KCNIP4: variants seen among roughly 807,000 people sequenced by gnomAD.
KCNIP4 encodes Kv channel-interacting protein 4.
Under a neutral mutation model 34.0 loss-of-function variants are expected in KCNIP4, and 12 were observed. That is an observed-to-expected ratio of 0.35 (90% CI 0.23 to 0.57). The LOEUF (loss-of-function observed/expected upper bound fraction) is 0.57, where lower values mean the gene tolerates loss of function less well. KCNIP4 is among the 20% of genes least tolerant of loss of function. The probability of loss-of-function intolerance (pLI) is 0.83; values close to 1 mark genes in which losing one functional copy is unlikely to be tolerated. For missense variants in KCNIP4, 238 were observed against 311.7 expected (o/e 0.76, Z 1.78); for synonymous variants, 124 against 102.2 (o/e 1.21, Z -1.29).
At chr4:21,116,484 C>A (rs1007942500) in intron 1 of KCNIP4, among the ~76,000 whole-genome samples, 1 of 152,226 alleles carries the variant, frequency 6.6e-6, no homozygotes, top group African/African-American at 2.4e-5. Context: ...TCTATGGCTT[C>A]TGCCACTAAC....
intron 3 of KCNIP4, among the ~76,000 whole-genome samples, chr4:20,823,338 G>T (rs1437015490): frequency 2.0e-5 from 3 of 152,092 alleles, no homozygotes; most frequent in Admixed American, 2.0e-4. Context: ...TTAAATAAAA[G>T]GATAGGGAGC....
chr4:20,906,057 C>T (rs914501582), intron 1 of KCNIP4, among the ~76,000 whole-genome samples: 7 of 150,892 alleles, frequency 4.6e-5, no homozygotes, highest in Non-Finnish European at 1.0e-4. Flanking sequence ...CTCTTCCTCC[C>T]TCCCTCCCTC....
chr4:21,383,840 C>T (rs1721761426), intron 1 of KCNIP4, among the ~76,000 whole-genome samples: 1 of 152,042 alleles, frequency 6.6e-6, no homozygotes, highest in Admixed American at 6.6e-5. Flanking sequence ...TGGGGGCTTC[C>T]TACAGCACTA....
intron 1 of KCNIP4, among the ~76,000 whole-genome samples, chr4:21,905,505 C>T (rs1157507275): frequency 1.3e-5 from 2 of 152,050 alleles, no homozygotes; most frequent in Non-Finnish European, 2.9e-5. Flanking sequence ...GGCACATATA[C>T]ACCATGGAAT....
At chr4:21,930,824 C>T (rs28550210) in intron 1 of KCNIP4, among the ~76,000 whole-genome samples, 15,544 of 152,106 alleles carry the variant, frequency 0.1, 2,367 homozygotes, top group African/African-American at 0.33. Flanking sequence ...TTAGCACTTA[C>T]GTCATGTTGC....
chr4:20,752,218 C>A (rs1443311721), intron 4 of KCNIP4, among the ~76,000 whole-genome samples: 1 of 152,002 alleles, frequency 6.6e-6, no homozygotes, highest in African/African-American at 2.4e-5. Flanking sequence ...GCCACCATGC[C>A]CGGCGAATTT....
At chr4:21,069,637 A>G (rs1744717111) in intron 1 of KCNIP4, among the ~76,000 whole-genome samples, 1 of 152,188 alleles carries the variant, frequency 6.6e-6, no homozygotes, top group African/African-American at 2.4e-5. Flanking sequence ...AGGATCAAAG[A>G]AGCCATAAGT....
At chr4:21,441,512 A>G (rs1171638694) in intron 1 of KCNIP4, among the ~76,000 whole-genome samples, 2 of 152,084 alleles carry the variant, frequency 1.3e-5, no homozygotes, top group Non-Finnish European at 1.5e-5. Context: ...GGACTTTCAC[A>G]CTGCAATATA....
chr4:21,368,412 C>T lies in KCNIP4; in HGVS notation c.62-485703G>A, dbSNP rs1013783975. 4.1e-5 allele frequency among the ~76,000 whole-genome samples: 6 copies of T among 147,174 alleles called. 2 individuals are homozygous for T. The highest frequency in any genetic ancestry group is 1.6e-4 in the African/African-American group (6 of 36,856). On this transcript the variant is annotated intron_variant, in intron 1 of 8. Coordinates refer to ENST00000382152, the MANE Select transcript of KCNIP4 (RefSeq NM_025221.6). The stretch of plus-strand genomic sequence containing the variant: ...TGCTTATGTAAGGGAGACATACACT[C>T]CCCCCAAAATAGCTAAAATGTATGG...
At chr4:21,334,477 C>A (rs1019301596) in intron 1 of KCNIP4, among the ~76,000 whole-genome samples, 4 of 151,998 alleles carry the variant, frequency 2.6e-5, no homozygotes, top group African/African-American at 7.2e-5. Flanking sequence ...CTTTTAGGAA[C>A]AAGCTATTCC....
intron 1 of KCNIP4, among the ~76,000 whole-genome samples, chr4:21,294,653 T>C (rs930335004): frequency 6.6e-6 from 1 of 152,162 alleles, no homozygotes; most frequent in African/African-American, 2.4e-5. Context: ...CACTCTATTA[T>C]AGATAATGTA....
rs1231955908 is a variant in KCNIP4 at position 21,519,700 on chromosome 4, GTGTA to G, written c.61+428867_61+428870del. 5.0e-5 allele frequency among the ~76,000 whole-genome samples: 7 copies of G among 140,842 alleles called. 1 individual carries two copies. The highest frequency in any genetic ancestry group is 1.1e-4 in the African/African-American group (4 of 35,946). The allele number at this position is 140,842 out of a possible 152,430, so 92.4% of individuals were successfully genotyped here. A position where few individuals can be genotyped will look rare whatever the true frequency, so the allele number is the denominator to read the frequency against. On this transcript the variant is annotated intron_variant, in intron 1 of 8. Transcript: ENST00000382152. ...TATGTATGTGTATATACACACGTGT[GTGTA>G]TGTATGTGTATATATACACACGTGT...
intron 1 of KCNIP4, among the ~76,000 whole-genome samples, chr4:21,654,441 T>C (rs945846586): frequency 6.6e-6 from 1 of 152,160 alleles, no homozygotes; most frequent in Non-Finnish European, 1.5e-5. Flanking sequence ...AAGGAGTGTC[T>C]TTTTTCTAAT....
chr4:21,868,214 A>G (rs1308745837), intron 1 of KCNIP4, among the ~76,000 whole-genome samples: 3 of 152,212 alleles, frequency 2.0e-5, no homozygotes, highest in Non-Finnish European at 4.4e-5. Context: ...ACAAAATAGC[A>G]TAGATATTTT....
chr4:20,794,339 C>G (rs1347237077), intron 3 of KCNIP4, among the ~76,000 whole-genome samples: 1 of 152,148 alleles, frequency 6.6e-6, no homozygotes, highest in African/African-American at 2.4e-5. Flanking sequence ...ATAAATACAG[C>G]TGAAGCTTTG....
chr4:21,450,978 T>G (rs1037921708), intron 1 of KCNIP4, among the ~76,000 whole-genome samples: 12 of 152,142 alleles, frequency 7.9e-5, no homozygotes, highest in African/African-American at 2.7e-4. Context: ...CTTTAGATAT[T>G]CTGCTTACAG....
chr4:20,867,739 A>G (rs1723017264), intron 2 of KCNIP4, among the ~76,000 whole-genome samples: 2 of 152,184 alleles, frequency 1.3e-5, no homozygotes, highest in South Asian at 4.2e-4. Flanking sequence ...ATCTTCGTGG[A>G]TGAAGCTGGA....
At chr4:21,347,765 T>C (rs1294543530) in intron 1 of KCNIP4, among the ~76,000 whole-genome samples, 1 of 152,210 alleles carries the variant, frequency 6.6e-6, no homozygotes, top group East Asian at 1.9e-4. Context: ...CCTTCATTCC[T>C]TCCTCTCTTC....
At chr4:21,270,431 A>C (rs1560237040) in intron 1 of KCNIP4, among the ~76,000 whole-genome samples, 1 of 152,210 alleles carries the variant, frequency 6.6e-6, no homozygotes, top group Non-Finnish European at 1.5e-5. Flanking sequence ...TAAACGTGTT[A>C]AGATGATAGA....
Sources: gnomAD v4.1 joint callset for allele counts (sites outside exome capture counted in the v4.1 genomes callset) on GRCh38, gnomAD v4.1.1 for gene constraint, MANE v1.5 for transcripts, NCBI Gene and HGNC (gene_info 2026-07-23, HGNC 2026-07-21) for gene names.